The following NR5A2 variants were observed in gnomAD, a reference collection of about 807,000 sequenced individuals.
NR5A2 encodes CYP7A promoter-binding factor.
A neutral mutation model predicts 62.7 loss-of-function variants in NR5A2; 26 were observed. That is an observed-to-expected ratio of 0.41 (90% CI 0.30 to 0.58). The LOEUF (loss-of-function observed/expected upper bound fraction) is 0.58. Among genes scored for constraint, NR5A2 ranks in the 20% least tolerant of loss-of-function variants. The pLI is 0.22. For synonymous variants in NR5A2, 246 were observed against 241.7 expected (o/e 1.02, Z -0.16); for missense variants, 541 against 669.1 (o/e 0.81, Z 2.11).
intron 1 of NR5A2, among the ~76,000 whole-genome samples, chr1:200,038,399 G>A (rs1014392240): frequency 2.6e-5 from 4 of 152,302 alleles, no homozygotes; most frequent in African/African-American, 9.6e-5. Flanking sequence ...AGGAGTCGCT[G>A]CCCCTTCCTC....
chr1:200,066,845 C>T (rs796435506), intron 5 of NR5A2, among the ~76,000 whole-genome samples: 6 of 152,232 alleles, frequency 3.9e-5, no homozygotes, highest in African/African-American at 9.6e-5. Flanking sequence ...ACCTCGGCCT[C>T]GGGATTACAG....
chr1:200,143,638 A>ATTTTTT (rs11285826), intron 7 of NR5A2, among the ~76,000 whole-genome samples: 1 of 103,298 alleles, frequency 9.7e-6, no homozygotes, highest in Non-Finnish European at 1.9e-5. Context: ...ATTGTTCATA[A>ATTTTTT]TTTTTTTTTT....
Position 200,028,001 on chromosome 1 carries a change from C to A in NR5A2, c.64+90C>A. ...TGTTGATGGATTTTGCATTTTAAGT[C>A]ATGGCTTTTCCTATTATGTTTATTA... On this transcript the variant is annotated intron_variant, in intron 1 of 7. Transcript: ENST00000367362. 7.2e-6 allele frequency: 6 copies of A among 836,434 alleles called. No homozygotes were observed. The South Asian group carries it at 1.0e-4, about 14-fold the overall frequency. 51.8% of individuals were successfully genotyped at this position (836,434 alleles called of 1,614,324 possible).
At chr1:200,171,053 T>G (rs1003300005) in intron 7 of NR5A2, among the ~76,000 whole-genome samples, 1 of 152,046 alleles carries the variant, frequency 6.6e-6, no homozygotes, top group Admixed American at 6.5e-5. Flanking sequence ...ACGGTCTGCA[T>G]AGGGAAACAG....
At chr1:200,126,548 G>A (rs1043401517) in intron 7 of NR5A2, among the ~76,000 whole-genome samples, 24 of 151,860 alleles carry the variant, frequency 1.6e-4, no homozygotes, top group Non-Finnish European at 3.4e-4. Context: ...AAAATAATTA[G>A]CTAAAAAAAA....
intron 7 of NR5A2, among the ~76,000 whole-genome samples, chr1:200,128,566 G>C (rs1423745447): frequency 6.6e-6 from 1 of 152,052 alleles, no homozygotes; most frequent in Non-Finnish European, 1.5e-5. Context: ...GCTTGTGATG[G>C]TAAAAGGAAA....
rs143698386 is a variant in NR5A2, at chr1:200,097,373, A to T, written c.1111-13829A>T. On this transcript the variant is annotated intron_variant, in intron 5 of 7. Coordinates refer to ENST00000367362, the MANE Select transcript of NR5A2 (RefSeq NM_205860.3). ...CTCTCTCCCTTCTTACAAGGGAGAC[A>T]AAAGAACTCCCTTCGTCACTCACCT... Among the ~76,000 whole-genome samples the T allele has an allele frequency of 1.0e-3, 156 of 152,298 alleles. 1 individual carries two copies. Among genetic ancestry groups the T allele is most frequent in the Non-Finnish European group, 1.7e-3 (117 of 68,002 alleles).
At chr1:200,108,077 CAT>C (rs1665773783) in intron 5 of NR5A2, among the ~76,000 whole-genome samples, 1 of 92,974 alleles carries the variant, frequency 1.1e-5, no homozygotes, top group Admixed American at 1.3e-4. Flanking sequence ...CTCTAGAAGA[CAT>C]ACGTGTGTGT....
At chr1:200,052,114 C>G (rs1227420572) in intron 5 of NR5A2, among the ~76,000 whole-genome samples, 1 of 152,142 alleles carries the variant, frequency 6.6e-6, no homozygotes, top group African/African-American at 2.4e-5. Context: ...ATTAATGAGG[C>G]ATGACCTGCA....
At chr1:200,135,300 C>T (rs1029097060) in intron 7 of NR5A2, among the ~76,000 whole-genome samples, 6 of 152,188 alleles carry the variant, frequency 3.9e-5, no homozygotes, top group African/African-American at 1.4e-4. Context: ...GCAGGTGGAT[C>T]ACCTGAGGTC....
intron 5 of NR5A2, among the ~76,000 whole-genome samples, chr1:200,106,630 TTCCC>T (rs1477948672): frequency 2.0e-5 from 3 of 152,206 alleles, no homozygotes; most frequent in Admixed American, 6.5e-5. Flanking sequence ...TTTGGTCTTC[TTCCC>T]AGAACTGCCT....
chr1:200,042,060 G>A (rs1189885554), intron 2 of NR5A2, among the ~76,000 whole-genome samples: 2 of 152,110 alleles, frequency 1.3e-5, no homozygotes, highest in Non-Finnish European at 1.5e-5. Flanking sequence ...CTGAACCCTC[G>A]GCCCTTCCCA....
intron 7 of NR5A2, among the ~76,000 whole-genome samples, chr1:200,130,705 G>A (rs1666935547): frequency 6.6e-6 from 1 of 152,100 alleles, no homozygotes; most frequent in African/African-American, 2.4e-5. Flanking sequence ...CCTATTATGT[G>A]GCAATTCTCC....
chr1:200,040,666 G>A (rs1379837064), intron 2 of NR5A2, among the ~76,000 whole-genome samples: 1 of 152,244 alleles, frequency 6.6e-6, no homozygotes, highest in East Asian at 1.9e-4. Context: ...GCCCCTTCCA[G>A]GGTGCAGGAT....
intron 7 of NR5A2, among the ~76,000 whole-genome samples, chr1:200,144,179 A>G (rs542860695): frequency 4.0e-5 from 6 of 149,004 alleles, no homozygotes; most frequent in Admixed American, 2.0e-4. Context: ...TCCCATCACC[A>G]CCAACCACCA....
At chr1:200,113,230 A>C (rs1396143190) in intron 6 of NR5A2, among the ~76,000 whole-genome samples, 5 of 147,950 alleles carry the variant, frequency 3.4e-5, no homozygotes, top group African/African-American at 2.5e-5. Flanking sequence ...TCCCCTCCCC[A>C]CTCTTTAAAT....
chr1:200,059,913 A>G (rs1663116492), intron 5 of NR5A2, among the ~76,000 whole-genome samples: 1 of 152,194 alleles, frequency 6.6e-6, no homozygotes, highest in African/African-American at 2.4e-5. Context: ...TAACCCAAGA[A>G]AACCACCCAC....
chr1:200,036,633 T>C (rs760315948), intron 1 of NR5A2, among the ~76,000 whole-genome samples: 21 of 152,184 alleles, frequency 1.4e-4, no homozygotes, highest in Non-Finnish European at 2.8e-4. Context: ...GGAAGATTCC[T>C]TGCCTTGTCC....
At chr1:200,164,279 T>C (rs774425488) in intron 7 of NR5A2, among the ~76,000 whole-genome samples, 2 of 152,186 alleles carry the variant, frequency 1.3e-5, no homozygotes, top group African/African-American at 2.4e-5. Flanking sequence ...TATTTCTTTA[T>C]AGCAGTGCAA....
Sources: gnomAD v4.1 joint callset for allele counts (sites outside exome capture counted in the v4.1 genomes callset) on GRCh38, gnomAD v4.1.1 for gene constraint, MANE v1.5 for transcripts, NCBI Gene and HGNC (gene_info 2026-07-23, HGNC 2026-07-21) for gene names.